DNAJC9: variants seen among roughly 807,000 people sequenced by gnomAD.
The protein encoded by DNAJC9 is DnaJ heat shock protein family (Hsp40) member C9, also known as dnaJ homolog subfamily C member 9.
A neutral mutation model predicts 32.4 loss-of-function variants in DNAJC9; 18 were observed. That is an observed-to-expected ratio of 0.56 (90% CI 0.38 to 0.82). DNAJC9 has a LOEUF of 0.82. Among genes scored for constraint, DNAJC9 ranks in the 40% least tolerant of loss-of-function variants. DNAJC9 has a pLI of 0.00. For synonymous variants in DNAJC9, 113 were observed against 122.1 expected (o/e 0.93, Z 0.49); for missense variants, 310 against 321.8 (o/e 0.96, Z 0.28).
downstream of DNAJC9, chr10:73,235,142 C>G: frequency 6.5e-7 from 1 of 1,538,174 alleles, no homozygotes; most frequent in Non-Finnish European, 8.8e-7. Context: ...TAACTACATA[C>G]CACATTACAG....
At chr10:73,235,194 A>G (rs1162662601), downstream of DNAJC9, 29 of 1,551,542 alleles carry the variant, frequency 1.9e-5, no homozygotes, top group Non-Finnish European at 2.3e-5. Flanking sequence ...CCTCTGCAGA[A>G]ACCCCATGGC....
chr10:73,246,814 G>T lies in DNAJC9; in HGVS notation c.195C>A (p.Val65=). ...ATRRFQILGK[V]YSVLSDREQR... is the part of the protein sequence containing the mutation. Reference sequence around the variant, plus strand: ...GTTCTCTGTCACTGAGAACGGAATAGACTTTTCCCAGGATCTGAGGGCAAA... The same window carrying T: ...GTTCTCTGTCACTGAGAACGGAATATACTTTTCCCAGGATCTGAGGGCAAA... The change falls in exon 2 of 5, where the codon GTC becomes GTA. Residue 65 remains valine (V), a synonymous_variant. Coordinates refer to ENST00000372950, the MANE Select transcript of DNAJC9 (RefSeq NM_015190.5). 1 of 1,614,154 alleles carries T rather than the reference G, an allele frequency of 6.2e-7. No homozygotes were observed. The highest frequency in any genetic ancestry group is 1.7e-4 in the Middle Eastern group (1 of 6,042).
downstream of DNAJC9, among the ~76,000 whole-genome samples, chr10:73,236,211 C>A (rs1478122291): frequency 1.3e-5 from 2 of 148,894 alleles, no homozygotes; most frequent in Non-Finnish European, 3.0e-5. Context: ...TAAGAAATGA[C>A]CAAACAACTG....
chr10:73,240,103 A>G (rs1334184137), downstream of DNAJC9, among the ~76,000 whole-genome samples: 1 of 152,142 alleles, frequency 6.6e-6, no homozygotes, highest in Non-Finnish European at 1.5e-5. Context: ...TATTTTTTGT[A>G]GAGACAGGGT....
Position 73,243,209 on chromosome 10 carries a change from T to TGTCAA in DNAJC9, c.*186_*190dup, listed in dbSNP as rs1304607563. ...TTCCTTCAGGTGAGACCTCACACAATGTCAAGTGCTTTCTAGGAAATACTA... is the reference window on the plus strand; with the variant it reads ...TTCCTTCAGGTGAGACCTCACACAATGTCAAGTCAAGTGCTTTCTAGGAAATACTA... On this transcript the variant is annotated 3_prime_UTR_variant, in exon 5 of 5. Transcript: ENST00000372950. The TGTCAA allele has an allele frequency of 5.0e-6, 3 of 597,444 alleles. No homozygotes were observed. Among genetic ancestry groups the TGTCAA allele is most frequent in the African/African-American group, 1.9e-5 (1 of 53,288 alleles). The allele number at this position is 597,444 out of a possible 1,614,324, so 37.0% of individuals were successfully genotyped here.
chr10:73,245,653 G>T (rs998463584), intron 3 of DNAJC9, among the ~76,000 whole-genome samples: 1 of 152,012 alleles, frequency 6.6e-6, no homozygotes, highest in Non-Finnish European at 1.5e-5. Flanking sequence ...AATGCTACAA[G>T]AATTGGCCTA....
chr10:73,247,212 G>A lies in DNAJC9; in HGVS notation c.-23C>T, dbSNP rs781445191. Reference sequence around the variant, plus strand: ...CATGCCGGGCGGAGATACGACCCCGGAGGAAGCAGCCGCTCCCAGCTGCGC... The same window carrying A: ...CATGCCGGGCGGAGATACGACCCCGAAGGAAGCAGCCGCTCCCAGCTGCGC... On this transcript the variant is annotated 5_prime_UTR_variant, in exon 1 of 5. Coordinates refer to ENST00000372950, the MANE Select transcript of DNAJC9 (RefSeq NM_015190.5). 5.1e-6 allele frequency: 8 copies of A among 1,578,234 alleles called. No individual in the cohort carries two copies. The highest frequency in any genetic ancestry group is 1.7e-4 in the Middle Eastern group (1 of 6,020).
downstream of DNAJC9, chr10:73,240,951 C>T (rs1185348564): frequency 1.3e-6 from 2 of 1,534,106 alleles, no homozygotes; most frequent in African/African-American, 2.8e-5. Context: ...GACAGGTCCT[C>T]AGTTACATGG....
intron 2 of DNAJC9, chr10:73,233,004 C>A: frequency 6.4e-7 from 1 of 1,551,906 alleles, no homozygotes. Context: ...CGAAATTGGC[C>A]AAATCGAGCT....
At chr10:73,245,778 C>T in intron 3 of DNAJC9, 144 bp downstream of exon 3, 1 of 949,646 alleles carries the variant, frequency 1.1e-6, no homozygotes, top group Non-Finnish European at 1.5e-6. Context: ...AACTGGTATG[C>T]CCATTTTATT....
chr10:73,235,474 C>G (rs1454961585), downstream of DNAJC9: 3 of 1,427,848 alleles, frequency 2.1e-6, no homozygotes, highest in African/African-American at 4.3e-5. Context: ...ACATTTTGTT[C>G]AAATTCTAAC....
Position 73,246,181 on chromosome 10 carries a change from T to C in DNAJC9, c.322-5A>G, listed in dbSNP as rs971805543. On this transcript the variant is annotated splice_polypyrimidine_tract_variant and splice_region_variant and intron_variant, in intron 2 of 4. Coordinates refer to ENST00000372950, the MANE Select transcript of DNAJC9 (RefSeq NM_015190.5). ...TTGAATGTCCTCTAAAGATATCTGA[T>C]GATAAAGGAGATTTGCTTTAACTTT... is the stretch of plus-strand genomic sequence containing the variant. 2.5e-6 allele frequency: 4 copies of C among 1,593,164 alleles called. No homozygotes were observed. Among genetic ancestry groups the C allele is most frequent in the Middle Eastern group, 1.7e-4 (1 of 6,010 alleles).
At chr10:73,240,390 T>C (rs2043914071), downstream of DNAJC9, among the ~76,000 whole-genome samples, 1 of 152,206 alleles carries the variant, frequency 6.6e-6, no homozygotes, top group Non-Finnish European at 1.5e-5. Context: ...AGATCTGCAT[T>C]TGAGCTACAA....
chr10:73,244,470 T>C (rs1319819433), intron 3 of DNAJC9: 1 of 147,266 alleles, frequency 6.8e-6, no homozygotes, highest in East Asian at 2.0e-4. Flanking sequence ...CACTCCAGCC[T>C]GGGTGATGGA....
chr10:73,247,040 G>A lies in DNAJC9; in HGVS notation c.150C>T (p.Gly50=). Residue 50 remains glycine (G), a synonymous_variant, in exon 1 of 5, where the codon GGC becomes GGT. Coordinates refer to ENST00000372950, the MANE Select transcript of DNAJC9 (RefSeq NM_015190.5). The part of the protein sequence containing the change: ...LQVHPDRVGE[G]DKEDATRRFQ... Reference sequence around the variant, plus strand: ...AGCGGCGGGTGGCGTCCTCCTTGTCGCCCTCACCCACCCGGTCCGGGTGTA... The same window carrying A: ...AGCGGCGGGTGGCGTCCTCCTTGTCACCCTCACCCACCCGGTCCGGGTGTA... The A allele has an allele frequency of 1.9e-6, 3 of 1,545,010 alleles. No individual in the cohort carries two copies. Among genetic ancestry groups the A allele is most frequent in the Non-Finnish European group, 2.6e-6 (3 of 1,144,274 alleles).
At chr10:73,240,270 T>C (rs954311205), downstream of DNAJC9, among the ~76,000 whole-genome samples, 9 of 152,146 alleles carry the variant, frequency 5.9e-5, no homozygotes, top group African/African-American at 2.2e-4. Context: ...GCAACTATGG[T>C]AAAAAACTAG....
intron 3 of DNAJC9, among the ~76,000 whole-genome samples, chr10:73,245,684 C>T (rs1021946425): frequency 1.3e-5 from 2 of 152,126 alleles, no homozygotes; most frequent in African/African-American, 4.8e-5. Flanking sequence ...TATTTCAGTG[C>T]TACTTTACTA....
In DNAJC9 at chr10:73,247,200, G is replaced by A. The variant is rs1205637248; in HGVS notation, c.-11C>T. 6.3e-7 allele frequency: 1 copy of A among 1,585,344 alleles called. No homozygotes were observed. Among genetic ancestry groups the A allele is most frequent in the Non-Finnish European group, 8.6e-7 (1 of 1,167,006 alleles). On this transcript the variant is annotated 5_prime_UTR_variant, in exon 1 of 5. Transcript: ENST00000372950. ...GTCCAGCAGCCCCATGCCGGGCGGA[G>A]ATACGACCCCGGAGGAAGCAGCCGC...
downstream of DNAJC9, among the ~76,000 whole-genome samples, chr10:73,240,270 T>TA (rs1350949087): frequency 1.3e-5 from 2 of 152,146 alleles, no homozygotes; most frequent in Admixed American, 6.5e-5. Context: ...GCAACTATGG[T>TA]AAAAAACTAG....
Sources: allele counts gnomAD v4.1 joint callset (sites outside exome capture counted in the v4.1 genomes callset), GRCh38; gene constraint gnomAD v4.1.1; transcripts MANE v1.5; gene names NCBI Gene and HGNC (gene_info 2026-07-23, HGNC 2026-07-21).